The following OLFM1 variants were observed in gnomAD, a reference collection of about 807,000 sequenced individuals.
The protein encoded by OLFM1 is noelin.
OLFM1 carries 9 observed loss-of-function variants against 49.7 expected under a neutral mutation model. The ratio of observed to expected loss-of-function variants is 0.18; its 90% CI spans 0.11 to 0.32. OLFM1 has a LOEUF of 0.32. OLFM1 is among the 10% of genes least tolerant of loss of function. OLFM1 has a pLI of 1.00. For missense variants in OLFM1, 369 were observed against 661.8 expected (o/e 0.56, Z 4.85); for synonymous variants, 240 against 271.8 (o/e 0.88, Z 1.15).
In OLFM1 at chr9:135,120,161, C is replaced by T. The variant is rs1401300491; in HGVS notation, c.1441C>T (p.Arg481Cys). The T allele has an allele frequency of 5.6e-6, 9 of 1,610,630 alleles. No homozygotes were observed. Among genetic ancestry groups the T allele is most frequent in the Non-Finnish European group, 6.8e-6 (8 of 1,178,154 alleles). ...CAACGTGACCCTCTTCCACGTCATCCGCTCCGACGAGTTGTAGCTCCCTCC... is the reference window on the plus strand; with the variant it reads ...CAACGTGACCCTCTTCCACGTCATCTGCTCCGACGAGTTGTAGCTCCCTCC... ...LYNVTLFHVI[R>C]SDEL The change falls in exon 6 of 6, where the codon CGC becomes TGC. Residue 481 changes from arginine to cysteine, a missense_variant. By Grantham distance (180) the Arg-to-Cys change is radical. Transcript: ENST00000371793.
Position 135,106,795 on chromosome 9 carries a change from C to G in OLFM1, c.723C>G (p.Thr241=). The G allele has an allele frequency of 6.2e-7, 1 of 1,613,684 alleles. No individual in the cohort carries two copies. The highest frequency in any genetic ancestry group is 8.5e-7 in the Non-Finnish European group (1 of 1,179,898). Residue 241 remains threonine (T), a synonymous_variant, in exon 5 of 6, where the codon ACC becomes ACG. Transcript: ENST00000371793. ...TCAGTGACCCCGTGACTGTCAAGACCTCCGGCTCGAGGTTCGGATCCTGGA... is the reference window on the plus strand; with the variant it reads ...TCAGTGACCCCGTGACTGTCAAGACGTCCGGCTCGAGGTTCGGATCCTGGA... ...TGISDPVTVK[T]SGSRFGSWMT...
chr9:135,107,644 T>C (rs1263056952), intron 5 of OLFM1, among the ~76,000 whole-genome samples: 4 of 152,178 alleles, frequency 2.6e-5, no homozygotes, highest in Non-Finnish European at 4.4e-5. Flanking sequence ...TCGCTGTCCC[T>C]TGATTTGCAA....
At chr9:135,110,515 G>GAT (rs1831006886) in intron 5 of OLFM1, among the ~76,000 whole-genome samples, 2 of 152,208 alleles carry the variant, frequency 1.3e-5, no homozygotes, top group South Asian at 4.1e-4. Context: ...AGGCCATCTA[G>GAT]ATATTTTATA....
chr9:135,108,710 A>G (rs1273755717), intron 5 of OLFM1, among the ~76,000 whole-genome samples: 1 of 151,958 alleles, frequency 6.6e-6, no homozygotes, highest in African/African-American at 2.4e-5. Flanking sequence ...TTCATGCATT[A>G]ACTCCCTTAA....
At chr9:135,103,431 G>A (rs1830897216) in intron 4 of OLFM1, among the ~76,000 whole-genome samples, 1 of 152,218 alleles carries the variant, frequency 6.6e-6, no homozygotes, top group Non-Finnish European at 1.5e-5. Flanking sequence ...TGTGCCTACA[G>A]CCAGCAGTTG....
rs554924376 is a variant in OLFM1, at chr9:135,101,339, G to A, written c.676+2834G>A. The stretch of plus-strand genomic sequence containing the variant: ...TTCCATGGTCTAGTGAACAGGGTCC[G>A]GGTTCCCTTCCTGCAGTAAGCCTGG... On this transcript the variant is annotated intron_variant, in intron 4 of 5. Coordinates refer to ENST00000371793, the MANE Select transcript of OLFM1 (RefSeq NM_001282611.2). Among the ~76,000 whole-genome samples, 4 of 152,278 alleles carry A rather than the reference G, an allele frequency of 2.6e-5. No individual in the cohort carries two copies. In the East Asian group the frequency reaches 5.8e-4, roughly 22 times the overall value.
At chr9:135,099,481 T>A (rs963135949) in intron 4 of OLFM1, among the ~76,000 whole-genome samples, 6 of 151,520 alleles carry the variant, frequency 4.0e-5, no homozygotes, top group African/African-American at 1.2e-4. Context: ...AAGAACACTT[T>A]AAAAAAAAAC....
chr9:135,078,085 C>G (rs955644589), intron 1 of OLFM1, among the ~76,000 whole-genome samples: 9 of 152,192 alleles, frequency 5.9e-5, no homozygotes, highest in Non-Finnish European at 2.9e-5. Context: ...TACTGGGGGA[C>G]ATCCATCCCC....
chr9:135,081,031 G>A (rs574730673), intron 1 of OLFM1, among the ~76,000 whole-genome samples: 23 of 152,114 alleles, frequency 1.5e-4, no homozygotes, highest in East Asian at 7.7e-4. Context: ...GAGCCCGCCC[G>A]GAGTTAAAGC....
intron 5 of OLFM1, among the ~76,000 whole-genome samples, chr9:135,112,047 A>G (rs1831030803): frequency 6.6e-6 from 1 of 152,206 alleles, no homozygotes. Context: ...CCTTGGGGTC[A>G]TGATCAGAAA....
At chr9:135,076,591 A>T in intron 1 of OLFM1, 4 of 1,076,154 alleles carry the variant, frequency 3.7e-6, no homozygotes, top group Non-Finnish European at 5.2e-6. Flanking sequence ...TTGCTTTGGC[A>T]CTATGGTGCT....
chr9:135,118,519 G>GA (rs2119146781), intron 5 of OLFM1, among the ~76,000 whole-genome samples: 1 of 150,742 alleles, frequency 6.6e-6, no homozygotes, highest in Non-Finnish European at 1.5e-5. Context: ...TGGGTCTTTG[G>GA]AATGCTCGCT....
At chr9:135,099,498 T>A (rs920651560) in intron 4 of OLFM1, among the ~76,000 whole-genome samples, 7 of 152,164 alleles carry the variant, frequency 4.6e-5, no homozygotes, top group Middle Eastern at 3.4e-3. Flanking sequence ...AAACCTCTAA[T>A]GTTAGTCAGG....
Position 135,120,866 on chromosome 9 carries a change from A to C in OLFM1, c.*688A>C, listed in dbSNP as rs549625479. The C allele has an allele frequency of 6.5e-6, 1 of 152,728 alleles. No homozygotes were observed. Among genetic ancestry groups the C allele is most frequent in the South Asian group, 2.1e-4 (1 of 4,818 alleles). 9.5% of individuals were successfully genotyped at this position (152,728 alleles called of 1,614,324 possible). On this transcript the variant is annotated 3_prime_UTR_variant, in exon 6 of 6. Transcript: ENST00000371793. ...TCAGTTTATGCGATGATTGTTGTAAATGCAATGCCGTAGTTTGGATTAATA... is the reference window on the plus strand; with the variant it reads ...TCAGTTTATGCGATGATTGTTGTAACTGCAATGCCGTAGTTTGGATTAATA...
upstream of OLFM1, among the ~76,000 whole-genome samples, chr9:135,083,552 C>T (rs1830558708): frequency 6.6e-6 from 1 of 152,204 alleles, no homozygotes; most frequent in Admixed American, 6.5e-5. Flanking sequence ...AGCTCCCCAT[C>T]ACTGTCACTG....
rs547613192 is a variant in OLFM1, at chr9:135,118,585, C to T, written c.784-919C>T. On this transcript the variant is annotated intron_variant, in intron 5 of 5. Coordinates refer to ENST00000371793, the MANE Select transcript of OLFM1 (RefSeq NM_001282611.2). Reference sequence around the variant, plus strand: ...AAGTGCTCACTGGGTCTTTGGAGTGCTTGCTGGGTCTTTGGAAATGCTCAC... The same window carrying T: ...AAGTGCTCACTGGGTCTTTGGAGTGTTTGCTGGGTCTTTGGAAATGCTCAC... Among the ~76,000 whole-genome samples the T allele has an allele frequency of 2.7e-5, 4 of 145,904 alleles. No homozygotes were observed. The East Asian group carries it at 8.5e-4, about 31-fold the overall frequency.
rs1448323671 is a variant in OLFM1, at chr9:135,080,369, G to T, written c.96+4567G>T. 2.6e-5 allele frequency among the ~76,000 whole-genome samples: 4 copies of T among 152,032 alleles called. No individual in the cohort carries two copies. The highest frequency in any genetic ancestry group is 9.7e-5 in the African/African-American group (4 of 41,408). ...GGGGAAGAGTTCAGGTGAAATTGGG[G>T]TCTTTTCCTAAACCCATTATTTCAG... On this transcript the variant is annotated intron_variant, in intron 1 of 5. Coordinates refer to the OLFM1 transcript ENST00000252854. The surrounding 1 kb of genome is among the most constrained non-coding windows in gnomAD (Gnocchi z 4.5).
rs565649640 is a variant in OLFM1, at chr9:135,095,411, C to T, written c.301-453C>T. Among the ~76,000 whole-genome samples the T allele has an allele frequency of 2.6e-4, 40 of 151,538 alleles. 1 individual carries two copies. In the South Asian group the frequency reaches 7.3e-3, roughly 28 times the overall value. ...AAGAAGGAGAATTTATACCTGGGGGCGGGGCAGCCTAAGAGTGCCATTCCT... is the reference window on the plus strand; with the variant it reads ...AAGAAGGAGAATTTATACCTGGGGGTGGGGCAGCCTAAGAGTGCCATTCCT... On this transcript the variant is annotated intron_variant, in intron 2 of 5. Coordinates refer to ENST00000371793, the MANE Select transcript of OLFM1 (RefSeq NM_001282611.2).
At chr9:135,077,093 G>T in intron 1 of OLFM1, 2 of 1,550,532 alleles carry the variant, frequency 1.3e-6, no homozygotes. Context: ...GCCCCAGGAA[G>T]GCCTGGTGGA....
Sources: allele counts gnomAD v4.1 joint callset (sites outside exome capture counted in the v4.1 genomes callset), GRCh38; gene constraint gnomAD v4.1.1; non-coding constraint Gnocchi (gnomAD v3.1); transcripts MANE v1.5; gene names NCBI Gene and HGNC (gene_info 2026-07-23, HGNC 2026-07-21).